The following SPAG16 variants were observed in gnomAD, a reference collection of about 807,000 sequenced individuals.
SPAG16 encodes the protein sperm associated antigen 16.
SPAG16 carries 86 observed loss-of-function variants against 80.4 expected under a neutral mutation model. The ratio of observed to expected loss-of-function variants is 1.07; its 90% CI spans 0.90 to 1.28. The LOEUF is 1.28. Among genes scored for constraint, SPAG16 ranks in the 50% most tolerant of loss-of-function variants. The pLI, the probability that SPAG16 is intolerant of heterozygous loss-of-function variation, is 0.00. For synonymous variants in SPAG16, 294 were observed against 265.9 expected (o/e 1.11, Z -1.03); for missense variants, 870 against 765.3 (o/e 1.14, Z -1.61).
intron 15 of SPAG16, among the ~76,000 whole-genome samples, chr2:214,301,708 T>C (rs1694566422): frequency 6.6e-6 from 1 of 152,200 alleles, no homozygotes; most frequent in African/African-American, 2.4e-5. Context: ...ATCAGTTTTG[T>C]TTATTCTTTC....
rs1317976866 is a variant in SPAG16 at position 214,222,179 on chromosome 2, C to A, written c.1720+72913C>A. Among the ~76,000 whole-genome samples the A allele has an allele frequency of 2.1e-5, 3 of 143,582 alleles. No individual in the cohort carries two copies. The East Asian group carries it at 6.2e-4, about 30-fold the overall frequency. The allele number at this position is 143,582 out of a possible 152,430, so 94.2% of individuals were successfully genotyped here. A position where few individuals can be genotyped will look rare whatever the true frequency, so the allele number is the denominator to read the frequency against. Reference sequence around the variant, plus strand: ...TCACTCAGGCTGGAGTGCAGTGGCACAATCTCGGCTCACTGCAACCCCCGC... The same window carrying A: ...TCACTCAGGCTGGAGTGCAGTGGCAAAATCTCGGCTCACTGCAACCCCCGC... On this transcript the variant is annotated intron_variant, in intron 15 of 15. Coordinates refer to ENST00000331683, the MANE Select transcript of SPAG16 (RefSeq NM_024532.5).
intron 10 of SPAG16, among the ~76,000 whole-genome samples, chr2:213,791,443 T>G (rs1368450061): frequency 6.6e-6 from 1 of 152,062 alleles, no homozygotes; most frequent in Non-Finnish European, 1.5e-5. Flanking sequence ...AAATGGTACA[T>G]CAGATTCAAC....
intron 15 of SPAG16, among the ~76,000 whole-genome samples, chr2:214,310,345 A>G (rs1695206676): frequency 6.6e-6 from 1 of 152,082 alleles, no homozygotes; most frequent in African/African-American, 2.4e-5. Context: ...TGGCTTTCTC[A>G]AATTCTGCTT....
At chr2:214,310,929 C>G (rs1178664905) in intron 15 of SPAG16, among the ~76,000 whole-genome samples, 3 of 152,060 alleles carry the variant, frequency 2.0e-5, no homozygotes, top group Non-Finnish European at 4.4e-5. Context: ...AGAAATTAGC[C>G]CCGTTCTATG....
intron 13 of SPAG16, among the ~76,000 whole-genome samples, chr2:214,099,485 G>A (rs531284847): frequency 1.3e-5 from 2 of 152,114 alleles, no homozygotes; most frequent in African/African-American, 4.8e-5. Context: ...AATAAGCTGA[G>A]TTTTAAACTC....
intron 12 of SPAG16, among the ~76,000 whole-genome samples, chr2:213,938,106 T>C (rs1021207127): frequency 6.6e-6 from 1 of 150,448 alleles, no homozygotes; most frequent in Non-Finnish European, 1.5e-5. Flanking sequence ...TAAAAGCGAA[T>C]ATATATATAT....
intron 8 of SPAG16, among the ~76,000 whole-genome samples, chr2:213,369,330 C>A (rs1575397016): frequency 6.6e-6 from 1 of 152,030 alleles, no homozygotes; most frequent in Non-Finnish European, 1.5e-5. Flanking sequence ...ATATGTTTTC[C>A]TTTTCTAATT....
intron 10 of SPAG16, among the ~76,000 whole-genome samples, chr2:213,597,198 A>G (rs920137190): frequency 3.3e-5 from 5 of 152,296 alleles, no homozygotes; most frequent in Non-Finnish European, 7.4e-5. Context: ...AATAAAATTT[A>G]TTCATTCATT....
chr2:214,046,916 AAC>A (rs2049359878), intron 13 of SPAG16, among the ~76,000 whole-genome samples: 1 of 152,062 alleles, frequency 6.6e-6, no homozygotes, highest in African/African-American at 2.4e-5. Context: ...GAAAAAAAAA[AAC>A]AATTTAGCAA....
chr2:213,652,308 AT>A (rs765247269), intron 10 of SPAG16, among the ~76,000 whole-genome samples: 3 of 149,514 alleles, frequency 2.0e-5, no homozygotes, highest in Admixed American at 1.3e-4. Context: ...TTTTTGTTGA[AT>A]TTTTTCTTGT....
chr2:213,491,163 C>A (rs2074218559), intron 10 of SPAG16, among the ~76,000 whole-genome samples: 1 of 152,048 alleles, frequency 6.6e-6, no homozygotes, highest in African/African-American at 2.4e-5. Flanking sequence ...TAAAGGGAAC[C>A]ATAAAAATGA....
intron 10 of SPAG16, among the ~76,000 whole-genome samples, chr2:213,502,933 G>A (rs968761701): frequency 2.6e-5 from 4 of 152,174 alleles, no homozygotes; most frequent in African/African-American, 9.7e-5. Flanking sequence ...CTAGAAAACA[G>A]TGAGTCTGAA....
At chr2:214,176,160 C>T (rs965806572) in intron 15 of SPAG16, among the ~76,000 whole-genome samples, 1 of 150,872 alleles carries the variant, frequency 6.6e-6, no homozygotes, top group Non-Finnish European at 1.5e-5. Flanking sequence ...TGACAATGTC[C>T]TCAAATATAG....
rs568667789 is a variant in SPAG16, at chr2:213,517,688, C to T, written c.1070+27598C>T. 3.3e-5 allele frequency among the ~76,000 whole-genome samples: 5 copies of T among 152,158 alleles called. No homozygotes were observed. The South Asian group carries it at 6.2e-4, about 19-fold the overall frequency. On this transcript the variant is annotated intron_variant, in intron 10 of 15. Transcript: ENST00000331683. ...CACATCTGATCTTTGGCAAGGATGA[C>T]AAAAACAAATGGAGAAAGGGCTCCC...
At chr2:214,306,521 A>G (rs1249301047) in intron 15 of SPAG16, among the ~76,000 whole-genome samples, 2 of 152,112 alleles carry the variant, frequency 1.3e-5, no homozygotes, top group Non-Finnish European at 1.5e-5. Context: ...TGTGTAATAG[A>G]TGGATTTTAT....
At chr2:214,137,512 A>G (rs1454015681) in intron 14 of SPAG16, among the ~76,000 whole-genome samples, 1 of 152,120 alleles carries the variant, frequency 6.6e-6, no homozygotes, top group East Asian at 1.9e-4. Context: ...AGGAACATCT[A>G]TGTGACAAAT....
chr2:213,736,864 C>T (rs1057291389), intron 10 of SPAG16, among the ~76,000 whole-genome samples: 1 of 151,810 alleles, frequency 6.6e-6, no homozygotes, highest in African/African-American at 2.4e-5. Context: ...ACCACCATGC[C>T]CAGCTAATTT....
intron 13 of SPAG16, among the ~76,000 whole-genome samples, chr2:214,023,441 C>A (rs767939010): frequency 7.3e-5 from 11 of 151,048 alleles, no homozygotes; most frequent in Non-Finnish European, 1.3e-4. Flanking sequence ...TATGTGTTTT[C>A]TAAAATGCAT....
At chr2:213,624,787 G>T (rs960872944) in intron 10 of SPAG16, among the ~76,000 whole-genome samples, 2 of 152,122 alleles carry the variant, frequency 1.3e-5, no homozygotes, top group African/African-American at 2.4e-5. Flanking sequence ...TAAGGCCTTT[G>T]TCTCAGGTTT....
Sources: gnomAD v4.1 joint callset for allele counts (sites outside exome capture counted in the v4.1 genomes callset) on GRCh38, gnomAD v4.1.1 for gene constraint, MANE v1.5 for transcripts, NCBI Gene and HGNC (gene_info 2026-07-23, HGNC 2026-07-21) for gene names.